The following EPHA7 variants were observed in gnomAD, a reference collection of about 807,000 sequenced individuals.
The protein encoded by EPHA7 is EPH receptor A7.
Under a neutral mutation model 112.6 loss-of-function variants are expected in EPHA7, and 25 were observed. The ratio of observed to expected loss-of-function variants is 0.22; its 90% CI spans 0.16 to 0.31. The LOEUF (loss-of-function observed/expected upper bound fraction) is 0.31, where lower values mean the gene tolerates loss of function less well. EPHA7 is among the 10% of genes least tolerant of loss of function. The pLI is 1.00. For missense variants in EPHA7, 962 were observed against 1,212.6 expected (o/e 0.79, Z 3.07); for synonymous variants, 437 against 406.5 (o/e 1.07, Z -0.90).
At chr6:93,256,470 C>T (rs1036524078) in intron 12 of EPHA7, among the ~76,000 whole-genome samples, 16 of 151,790 alleles carry the variant, frequency 1.1e-4, no homozygotes, top group African/African-American at 2.7e-4. Context: ...AAAAGAGCAA[C>T]GGGGGAAATA....
chr6:93,358,805 T>C (rs1233565596), intron 3 of EPHA7, among the ~76,000 whole-genome samples: 1 of 152,230 alleles, frequency 6.6e-6, no homozygotes, highest in African/African-American at 2.4e-5. Context: ...GTTTTCTTAA[T>C]ATAATATAGC....
intron 3 of EPHA7, among the ~76,000 whole-genome samples, chr6:93,372,895 A>C (rs895593843): frequency 6.6e-6 from 1 of 152,048 alleles, no homozygotes; most frequent in Non-Finnish European, 1.5e-5. Flanking sequence ...GATTTCATTA[A>C]TTTTTTAGTA....
chr6:93,264,217 C>T (rs1770823344), intron 8 of EPHA7, among the ~76,000 whole-genome samples: 1 of 151,450 alleles, frequency 6.6e-6, no homozygotes, highest in African/African-American at 2.4e-5. Flanking sequence ...CAAATAGTCA[C>T]AGGTGAATGT....
intron 5 of EPHA7, 103 bp from the exon 6 acceptor site, chr6:93,272,525 G>A (rs1006006924): frequency 3.6e-6 from 5 of 1,396,052 alleles, no homozygotes; most frequent in Non-Finnish European, 4.9e-6. Context: ...TTTCATTAAG[G>A]TAAAAGAAAG....
chr6:93,417,195 A>G (rs1165534460), intron 1 of EPHA7, among the ~76,000 whole-genome samples: 1 of 152,120 alleles, frequency 6.6e-6, no homozygotes, highest in Non-Finnish European at 1.5e-5. Context: ...GTGCACAAGG[A>G]AAGTGAGGGA....
At chr6:93,246,744 T>C (rs767885143) in intron 15 of EPHA7, 48 bp downstream of exon 15, 3 of 1,500,184 alleles carry the variant, frequency 2.0e-6, no homozygotes, top group Non-Finnish European at 2.7e-6. Context: ...ATGGTTTATG[T>C]TACTATTGTA....
chr6:93,335,945 G>C (rs950758988), intron 5 of EPHA7, among the ~76,000 whole-genome samples: 3 of 152,016 alleles, frequency 2.0e-5, no homozygotes, highest in African/African-American at 7.2e-5. Context: ...CAGTATATGA[G>C]AGACATATAA....
At chr6:93,417,939 G>A (rs1779324679) in intron 1 of EPHA7, among the ~76,000 whole-genome samples, 1 of 152,008 alleles carries the variant, frequency 6.6e-6, no homozygotes, top group African/African-American at 2.4e-5. Flanking sequence ...GAACTAAGAG[G>A]AGTGCACGAT....
chr6:93,302,707 G>A (rs561558187), intron 5 of EPHA7, among the ~76,000 whole-genome samples: 214 of 152,252 alleles, frequency 1.4e-3, no homozygotes, highest in Non-Finnish European at 2.5e-3. Context: ...CAAGCCTCAG[G>A]CAAGAGAAGA....
Position 93,240,193 on chromosome 6 carries a change from A to C in EPHA7, c.*3233T>G, listed in dbSNP as rs1476574337. On this transcript the variant is annotated 3_prime_UTR_variant, in exon 17 of 17. Transcript: ENST00000369303. ...TAGTATTTCTTAGGCAAGGAGGGAC[A>C]AATTCAACCAACGAAAAGCACATCT... The C allele has an allele frequency of 1.3e-5, 3 of 223,504 alleles. No homozygotes were observed. 13.8% of individuals were successfully genotyped at this position (223,504 alleles called of 1,614,324 possible). A position where few individuals can be genotyped will look rare whatever the true frequency, so the allele number is the denominator to read the frequency against.
chr6:93,303,036 G>C (rs76213647), intron 5 of EPHA7, among the ~76,000 whole-genome samples: 129 of 152,196 alleles, frequency 8.5e-4, no homozygotes, highest in Non-Finnish European at 1.7e-3. Context: ...AAGAAGAATG[G>C]ATCAGGAATC....
intron 2 of EPHA7, 124 bp downstream of exon 2, chr6:93,414,579 T>C (rs902874417): frequency 1.5e-5 from 11 of 737,268 alleles, no homozygotes; most frequent in African/African-American, 1.2e-4. Flanking sequence ...CAACATAATA[T>C]TGGACAAGAT....
chr6:93,290,396 A>T (rs1053871919), intron 5 of EPHA7, among the ~76,000 whole-genome samples: 2 of 152,124 alleles, frequency 1.3e-5, no homozygotes, highest in African/African-American at 4.8e-5. Context: ...AATGAATTCT[A>T]TATATAATAA....
At chr6:93,304,798 T>C (rs962974936) in intron 5 of EPHA7, among the ~76,000 whole-genome samples, 8 of 152,068 alleles carry the variant, frequency 5.3e-5, no homozygotes, top group Non-Finnish European at 1.0e-4. Context: ...ATTGGTTTCC[T>C]TACCATTACC....
intron 1 of EPHA7, among the ~76,000 whole-genome samples, chr6:93,418,425 T>C (rs928155852): frequency 3.9e-5 from 6 of 152,212 alleles, no homozygotes; most frequent in African/African-American, 9.6e-5. Flanking sequence ...GATTCCTCAA[T>C]TGCTGCACTA....
intron 3 of EPHA7, among the ~76,000 whole-genome samples, chr6:93,405,246 T>C (rs117049607): frequency 5.4e-4 from 82 of 151,988 alleles, no homozygotes; most frequent in Non-Finnish European, 8.6e-4. Context: ...AATTCAAAAT[T>C]CCTTTATAAT....
At chr6:93,287,211 T>C (rs1296755645) in intron 5 of EPHA7, among the ~76,000 whole-genome samples, 4 of 152,210 alleles carry the variant, frequency 2.6e-5, no homozygotes, top group African/African-American at 9.6e-5. Context: ...ATAAAATTGT[T>C]TCTCAAGCCT....
At chr6:93,320,298 T>C (rs1774003778) in intron 5 of EPHA7, among the ~76,000 whole-genome samples, 2 of 152,074 alleles carry the variant, frequency 1.3e-5, no homozygotes, top group African/African-American at 4.8e-5. Context: ...ATTCTGCAGA[T>C]TTAACAAAAG....
intron 14 of EPHA7, among the ~76,000 whole-genome samples, chr6:93,249,904 T>C (rs779101199): frequency 6.6e-6 from 1 of 152,176 alleles, no homozygotes; most frequent in Non-Finnish European, 1.5e-5. Flanking sequence ...GCACTGAACA[T>C]AGGACCATTA....
Sources: gnomAD v4.1 joint callset for allele counts (sites outside exome capture counted in the v4.1 genomes callset) on GRCh38, gnomAD v4.1.1 for gene constraint, MANE v1.5 for transcripts, NCBI Gene and HGNC (gene_info 2026-07-23, HGNC 2026-07-21) for gene names.